The following CTNNBL1 variants were observed in gnomAD, a reference collection of about 807,000 sequenced individuals.
CTNNBL1 encodes the protein beta-catenin-like protein 1.
A neutral mutation model predicts 72.7 loss-of-function variants in CTNNBL1; 31 were observed. The ratio of observed to expected loss-of-function variants is 0.43; its 90% CI spans 0.32 to 0.58. The LOEUF is 0.58. CTNNBL1 is among the 20% of genes least tolerant of loss of function. CTNNBL1 has a pLI of 0.08. For missense variants in CTNNBL1, 534 were observed against 725.1 expected (o/e 0.74, Z 3.03); for synonymous variants, 240 against 267.3 (o/e 0.90, Z 1.00).
chr20:37,734,328 T>A (rs945302687), intron 2 of CTNNBL1, among the ~76,000 whole-genome samples: 1 of 152,242 alleles, frequency 6.6e-6, no homozygotes, highest in Non-Finnish European at 1.5e-5. Context: ...CTGAATTTTT[T>A]AATTTCCTCT....
intron 1 of CTNNBL1, among the ~76,000 whole-genome samples, chr20:37,730,007 G>A (rs1256788164): frequency 6.6e-6 from 1 of 152,140 alleles, no homozygotes; most frequent in Non-Finnish European, 1.5e-5. Context: ...ATAGCAGGTG[G>A]TACCCTACAA....
intron 3 of CTNNBL1, among the ~76,000 whole-genome samples, chr20:37,738,847 A>C (rs1257018506): frequency 1.3e-5 from 2 of 152,218 alleles, no homozygotes; most frequent in African/African-American, 2.4e-5. Flanking sequence ...GAACAAAGGC[A>C]CAGAGGTGTC....
At chr20:37,827,860 T>C (rs181130692) in intron 11 of CTNNBL1, among the ~76,000 whole-genome samples, 2 of 152,292 alleles carry the variant, frequency 1.3e-5, no homozygotes, top group Admixed American at 6.5e-5. Flanking sequence ...TGTAGTTGAG[T>C]GTGCAGGCCT....
intron 11 of CTNNBL1, among the ~76,000 whole-genome samples, chr20:37,833,275 A>T (rs142606538): frequency 5.3e-5 from 8 of 152,298 alleles, no homozygotes; most frequent in African/African-American, 1.9e-4. Flanking sequence ...TCTCACATAG[A>T]AACAGGCATC....
intron 2 of CTNNBL1, among the ~76,000 whole-genome samples, chr20:37,736,513 A>G (rs1424133691): frequency 1.3e-5 from 2 of 152,134 alleles, no homozygotes; most frequent in South Asian, 2.1e-4. Context: ...TGCTCAAGAA[A>G]TATTTGTTGA....
chr20:37,856,200 C>A (rs376867464), intron 13 of CTNNBL1, among the ~76,000 whole-genome samples: 78 of 138,940 alleles, frequency 5.6e-4, no homozygotes, highest in South Asian at 7.0e-4. Flanking sequence ...AACTCCTTCT[C>A]AAAAAAAAAA....
intron 11 of CTNNBL1, among the ~76,000 whole-genome samples, chr20:37,819,977 C>T (rs150735883): frequency 0.013 from 1,991 of 150,472 alleles, 45 homozygotes; most frequent in African/African-American, 0.046. Context: ...CGGGTTCAAG[C>T]GATTCTCCTG....
rs75268078 is a variant in CTNNBL1 at position 37,799,131 on chromosome 20, A to G, written c.1032-3736A>G. On this transcript the variant is annotated intron_variant, in intron 10 of 15. Coordinates refer to ENST00000361383, the MANE Select transcript of CTNNBL1 (RefSeq NM_030877.5). ...ATTGCTGTAGTCAGAACCTTTGGTC[A>G]TTTCTCATTTTTGTTGTTGCCAGAG... Among the ~76,000 whole-genome samples the G allele has an allele frequency of 1.8e-4, 27 of 152,148 alleles. No homozygotes were observed. In the East Asian group the frequency reaches 5.0e-3, roughly 28 times the overall value.
chr20:37,698,802 T>A (rs1189440225), intron 1 of CTNNBL1, among the ~76,000 whole-genome samples: 2 of 152,184 alleles, frequency 1.3e-5, no homozygotes, highest in Non-Finnish European at 2.9e-5. Flanking sequence ...TCCCAGCACT[T>A]TGGGAGGCCA....
At chr20:37,840,232 G>A (rs757197684) in intron 12 of CTNNBL1, 33 bp downstream of exon 12, 6 of 1,471,250 alleles carry the variant, frequency 4.1e-6, no homozygotes, top group East Asian at 2.3e-5. Context: ...AGCTGGGACC[G>A]GGACTGATAG....
chr20:37,785,973 A>C (rs1315820380), intron 10 of CTNNBL1, among the ~76,000 whole-genome samples: 1 of 152,236 alleles, frequency 6.6e-6, no homozygotes, highest in Non-Finnish European at 1.5e-5. Context: ...GGGGCATCCC[A>C]AGCTCAGTAA....
chr20:37,822,593 A>G (rs2072118432), intron 11 of CTNNBL1, among the ~76,000 whole-genome samples: 1 of 152,206 alleles, frequency 6.6e-6, no homozygotes, highest in Non-Finnish European at 1.5e-5. Flanking sequence ...TCATTCTGCT[A>G]AGCAGCGCCC....
chr20:37,743,323 C>T (rs2073234340), intron 3 of CTNNBL1, among the ~76,000 whole-genome samples: 1 of 151,328 alleles, frequency 6.6e-6, no homozygotes, highest in Admixed American at 6.6e-5. Flanking sequence ...ATGTAGATCT[C>T]CTGGCCCATG....
At chr20:37,790,458 T>A (rs143965260) in intron 10 of CTNNBL1, among the ~76,000 whole-genome samples, 49 of 152,358 alleles carry the variant, frequency 3.2e-4, no homozygotes, top group Admixed American at 8.5e-4. Flanking sequence ...ATACAGGTTG[T>A]GTTCCAAGCT....
chr20:37,785,823 T>C (rs2073668215), intron 10 of CTNNBL1, among the ~76,000 whole-genome samples: 1 of 152,222 alleles, frequency 6.6e-6, no homozygotes, highest in African/African-American at 2.4e-5. Context: ...GTCTGGGCAT[T>C]GAAGAGTTAG....
chr20:37,766,049 A>ATT (rs202109408), intron 6 of CTNNBL1, among the ~76,000 whole-genome samples: 5 of 147,318 alleles, frequency 3.4e-5, no homozygotes, highest in East Asian at 2.0e-4. Context: ...ATGAGATTAG[A>ATT]TTTTTTTTTT....
intron 15 of CTNNBL1, among the ~76,000 whole-genome samples, chr20:37,866,940 G>C (rs2072541514): frequency 6.6e-6 from 1 of 152,138 alleles, no homozygotes; most frequent in East Asian, 1.9e-4. Context: ...GGGGCCTTGT[G>C]GGGGTGGGTG....
intron 7 of CTNNBL1, among the ~76,000 whole-genome samples, chr20:37,775,132 A>G (rs1303577824): frequency 2.0e-5 from 3 of 152,186 alleles, no homozygotes; most frequent in Non-Finnish European, 1.5e-5. Flanking sequence ...CATTTAATAT[A>G]TATTTATGTC....
chr20:37,765,037 A>C (rs1184911809), intron 5 of CTNNBL1, among the ~76,000 whole-genome samples, 160 bp from the exon 6 acceptor site: 1 of 152,208 alleles, frequency 6.6e-6, no homozygotes, highest in Non-Finnish European at 1.5e-5. Flanking sequence ...TTAAGACTTA[A>C]AAGAGATAAT....
Sources: allele counts gnomAD v4.1 joint callset (sites outside exome capture counted in the v4.1 genomes callset), GRCh38; gene constraint gnomAD v4.1.1; transcripts MANE v1.5; gene names NCBI Gene and HGNC (gene_info 2026-07-23, HGNC 2026-07-21).